MED6: variants seen among roughly 807,000 people sequenced by gnomAD.
MED6 encodes the protein mediator complex subunit 6.
A neutral mutation model predicts 37.5 loss-of-function variants in MED6; 33 were observed. The observed-to-expected ratio is 0.88, with a 90% CI of 0.67 to 1.18. The LOEUF (loss-of-function observed/expected upper bound fraction) is 1.18, where lower values mean the gene tolerates loss of function less well. MED6 is among the 50% of genes most tolerant of loss of function. The pLI, the probability that MED6 is intolerant of heterozygous loss-of-function variation, is 0.00. For missense variants in MED6, 235 were observed against 290.6 expected (o/e 0.81, Z 1.39); for synonymous variants, 94 against 93.6 (o/e 1.00, Z -0.02).
At chr14:70,595,907 T>C (rs1314246552) in intron 3 of MED6, 3 of 527,308 alleles carry the variant, frequency 5.7e-6, no homozygotes, top group African/African-American at 1.9e-5. Flanking sequence ...ACAAAATTAC[T>C]TGGGATGCTT....
At chr14:70,590,615 C>A (rs527754764) in intron 6 of MED6, among the ~76,000 whole-genome samples, 10 of 152,198 alleles carry the variant, frequency 6.6e-5, no homozygotes, top group African/African-American at 2.4e-4. Context: ...TGTAAAGGTC[C>A]AGAAGAATTG....
intron 3 of MED6, chr14:70,595,484 G>A: frequency 7.8e-6 from 5 of 644,044 alleles, no homozygotes; most frequent in Non-Finnish European, 1.4e-5. Context: ...TGAGAAATCT[G>A]AAGGCCAGCT....
At chr14:70,593,985 C>CT (rs1196663590) in intron 3 of MED6, among the ~76,000 whole-genome samples, 2 of 152,188 alleles carry the variant, frequency 1.3e-5, no homozygotes, top group East Asian at 3.8e-4. Flanking sequence ...TGTCTTGTCG[C>CT]TGGTTTGCCT....
chr14:70,589,930 C>T (rs1884821195), intron 6 of MED6, among the ~76,000 whole-genome samples: 1 of 152,164 alleles, frequency 6.6e-6, no homozygotes, highest in African/African-American at 2.4e-5. Context: ...GCCACAAATG[C>T]AAGCTATACA....
At chr14:70,597,489 T>A in intron 2 of MED6, 129 bp downstream of exon 2, 1 of 738,634 alleles carries the variant, frequency 1.4e-6, no homozygotes, top group Non-Finnish European at 1.9e-6. Flanking sequence ...CAAATTTGCA[T>A]AAACCCAAAC....
chr14:70,583,950 T>A lies in MED6; in HGVS notation c.*863A>T, dbSNP rs1284577760. 11 of 435,734 alleles carry A rather than the reference T, an allele frequency of 2.5e-5. No homozygotes were observed. Among genetic ancestry groups the A allele is most frequent in the Non-Finnish European group, 4.0e-5 (10 of 247,822 alleles). 27.0% of individuals were successfully genotyped at this position (435,734 alleles called of 1,614,324 possible). A position where few individuals can be genotyped will look rare whatever the true frequency, so the allele number is the denominator to read the frequency against. On this transcript the variant is annotated 3_prime_UTR_variant, in exon 8 of 8. Transcript: ENST00000256379. ...CTGGACTTCTCAGCCTCCATAACTT[T>A]AAAAAAAATAAAATTCCTTTTCTTT...
chr14:70,593,508 G>A lies in MED6; in HGVS notation c.275-130C>T, dbSNP rs1046603628. The A allele has an allele frequency of 5.1e-5, 34 of 666,188 alleles. No individual in the cohort carries two copies. The African/African-American group carries it at 5.5e-4, about 11-fold the overall frequency. 41.3% of individuals were successfully genotyped at this position (666,188 alleles called of 1,614,324 possible). On this transcript the variant is annotated intron_variant, in intron 3 of 7. Coordinates refer to ENST00000256379, the MANE Select transcript of MED6 (RefSeq NM_005466.4). ...GTTTAGCAATTACTGTTTTGGTAAA[G>A]CTGTACTAGAAAACAGCCACATCCA...
At chr14:70,591,141 T>C in intron 6 of MED6, 125 bp downstream of exon 6, 1 of 701,374 alleles carries the variant, frequency 1.4e-6, no homozygotes. Context: ...GATACAGAGA[T>C]CATTTTTTAA....
In MED6 at chr14:70,593,382, A is replaced by C. The variant is rs772270095; in HGVS notation, c.275-4T>G. On this transcript the variant is annotated splice_polypyrimidine_tract_variant and splice_region_variant and intron_variant, in intron 3 of 7. Coordinates refer to ENST00000256379, the MANE Select transcript of MED6 (RefSeq NM_005466.4). Reference sequence around the variant, plus strand: ...TAGTAATCAGCTAGTGGGATAACTAAAACAGTGGGAAAAAAGGTTTATAAA... The same window carrying C: ...TAGTAATCAGCTAGTGGGATAACTACAACAGTGGGAAAAAAGGTTTATAAA... 4 of 1,606,412 alleles carry C rather than the reference A, an allele frequency of 2.5e-6. No homozygotes were observed. Among genetic ancestry groups the C allele is most frequent in the Admixed American group, 1.7e-5 (1 of 59,586 alleles).
intron 6 of MED6, among the ~76,000 whole-genome samples, chr14:70,587,355 A>AGGG (rs1808577459): frequency 1.3e-5 from 2 of 152,226 alleles, no homozygotes; most frequent in South Asian, 4.1e-4. Context: ...GAGTCCTGCT[A>AGGG]GCAATCCCCA....
In MED6 at chr14:70,584,887, TCTC is replaced by T. The variant is rs1884658069; in HGVS notation, c.664_666del (p.Glu222del). ...TGTTGTACATTCTTTGTGGTCTCCT[TCTC>T]CTCAGGTTTTACAGTTTCTGGTATA... On this transcript the variant is annotated inframe_deletion, in exon 8 of 8. Transcript: ENST00000256379. 1 of 1,614,146 alleles carries T rather than the reference TCTC, an allele frequency of 6.2e-7. No individual in the cohort carries two copies. Among genetic ancestry groups the T allele is most frequent in the Non-Finnish European group, 8.5e-7 (1 of 1,179,994 alleles).
chr14:70,595,021 G>T (rs780353082), intron 3 of MED6: 3 of 571,212 alleles, frequency 5.3e-6, no homozygotes, highest in South Asian at 2.8e-5. Context: ...TCTGCAGATC[G>T]ACAATGCCCA....
Position 70,584,061 on chromosome 14 carries a change from T to A in MED6, c.*752A>T. ...TTTATAGGGTAATGGTATTGGTGAG[T>A]GAGGTTTTTCCTTTTCTTCATCTTC... is the stretch of plus-strand genomic sequence containing the variant. On this transcript the variant is annotated 3_prime_UTR_variant, in exon 8 of 8. Coordinates refer to ENST00000256379, the MANE Select transcript of MED6 (RefSeq NM_005466.4). 1.6e-6 allele frequency: 1 copy of A among 607,332 alleles called. No individual in the cohort carries two copies. The highest frequency in any genetic ancestry group is 2.9e-6 in the Non-Finnish European group (1 of 341,118). 37.6% of individuals were successfully genotyped at this position (607,332 alleles called of 1,614,324 possible).
rs770747079 is a variant in MED6 at position 70,592,876 on chromosome 14, T to A, written c.466+4A>T. 2.5e-6 allele frequency: 4 copies of A among 1,613,604 alleles called. No individual in the cohort carries two copies. Among genetic ancestry groups the A allele is most frequent in the Middle Eastern group, 1.7e-4 (1 of 6,056 alleles). ...TTTTAGGAGGGTATGGATGTTCTACTTACCTTGCTCTTCATGATCTTTGAA... is the reference window on the plus strand; with the variant it reads ...TTTTAGGAGGGTATGGATGTTCTACATACCTTGCTCTTCATGATCTTTGAA... On this transcript the variant is annotated splice_donor_region_variant and intron_variant, in intron 5 of 7. Transcript: ENST00000256379.
At chr14:70,591,242 A>G in intron 6 of MED6, 24 bp downstream of exon 6, 1 of 1,541,672 alleles carries the variant, frequency 6.5e-7, no homozygotes, top group Non-Finnish European at 8.9e-7. Context: ...TCAAATCAAG[A>G]TTAACCACAC....
intron 3 of MED6, chr14:70,594,873 C>A (rs913744732): frequency 4.2e-5 from 28 of 666,016 alleles, no homozygotes; most frequent in Admixed American, 4.0e-4. Context: ...AGACCGAGAA[C>A]CAGAGGCTAG....
At chr14:70,585,024 T>A in intron 7 of MED6, 81 bp from the exon 8 acceptor site, 2 of 1,451,762 alleles carry the variant, frequency 1.4e-6, no homozygotes. Flanking sequence ...ATGGCTCACA[T>A]TTTCAAATTC....
At chr14:70,586,532 CTTA>C (rs1044506910) in intron 6 of MED6, among the ~76,000 whole-genome samples, 5 of 152,188 alleles carry the variant, frequency 3.3e-5, no homozygotes, top group Admixed American at 3.3e-4. Flanking sequence ...TACCTTCAAA[CTTA>C]TTATAACTTT....
chr14:70,594,762 C>A, intron 3 of MED6: 1 of 546,146 alleles, frequency 1.8e-6, no homozygotes, highest in South Asian at 1.7e-5. Flanking sequence ...AGGGTTCTAG[C>A]AGGAATGGGA....
Sources: allele counts gnomAD v4.1 joint callset (sites outside exome capture counted in the v4.1 genomes callset), GRCh38; gene constraint gnomAD v4.1.1; transcripts MANE v1.5; gene names NCBI Gene and HGNC (gene_info 2026-07-23, HGNC 2026-07-21).